The following WHRN variants were observed in gnomAD, a reference collection of about 807,000 sequenced individuals.
WHRN encodes the protein CASK-interacting protein CIP98.
Under a neutral mutation model 68.3 loss-of-function variants are expected in WHRN, and 41 were observed. The observed-to-expected ratio is 0.60, with a 90% CI of 0.47 to 0.78. The LOEUF (loss-of-function observed/expected upper bound fraction) is 0.78, where lower values mean the gene tolerates loss of function less well. Among genes scored for constraint, WHRN ranks in the 30% least tolerant of loss-of-function variants. The probability of loss-of-function intolerance (pLI) is 0.00; values close to 1 mark genes in which losing one functional copy is unlikely to be tolerated. For synonymous variants in WHRN, 560 were observed against 561.3 expected (o/e 1.00, Z 0.03); for missense variants, 1,243 against 1,244.7 (o/e 1.00, Z 0.02).
intron 1 of WHRN, among the ~76,000 whole-genome samples, chr9:114,484,186 C>G (rs541805992): frequency 7.2e-5 from 11 of 152,338 alleles, no homozygotes; most frequent in African/African-American, 2.2e-4. Flanking sequence ...GAGATTTTGA[C>G]AGGACTTGAA....
chr9:114,482,032 G>A (rs1477457679), intron 1 of WHRN, among the ~76,000 whole-genome samples: 3 of 152,224 alleles, frequency 2.0e-5, no homozygotes, highest in Non-Finnish European at 4.4e-5. Context: ...TGAGCCTGGT[G>A]AGGGATATAG....
At chr9:114,485,236 GGAGGAAAAAA>G in intron 1 of WHRN, among the ~76,000 whole-genome samples, 1 of 152,310 alleles carries the variant, frequency 6.6e-6, no homozygotes, top group Admixed American at 6.5e-5. Context: ...GACCCAGAAG[GGAGGAAAAAA>G]TTATGCATGC....
At chr9:114,490,183 C>T (rs1204810960) in intron 1 of WHRN, among the ~76,000 whole-genome samples, 1 of 152,202 alleles carries the variant, frequency 6.6e-6, no homozygotes, top group Admixed American at 6.5e-5. Context: ...GACCACAGAG[C>T]ATTGGTGTGA....
At chr9:114,450,721 G>T (rs563865058) in intron 3 of WHRN, among the ~76,000 whole-genome samples, 2 of 152,214 alleles carry the variant, frequency 1.3e-5, no homozygotes, top group Non-Finnish European at 2.9e-5. Context: ...GTGATAAAGT[G>T]ACAAGACAGG....
intron 10 of WHRN, 152 bp downstream of exon 10, chr9:114,403,744 C>A: frequency 1.0e-6 from 1 of 978,820 alleles, no homozygotes. Flanking sequence ...TCCAGTGCTC[C>A]TCCAGGACGT....
At chr9:114,425,128 A>T (rs1836703134) in intron 4 of WHRN, 104 bp from the exon 5 acceptor site, 1 of 1,208,926 alleles carries the variant, frequency 8.3e-7, no homozygotes, top group Non-Finnish European at 1.2e-6. Context: ...GCTTCAAGAG[A>T]ACCATGCATC....
At position 114,444,330 on chromosome 9, in the gene WHRN, T is replaced by C. The variant is rs528081992; in HGVS notation, c.964-17917A>G. ...CAGAATTTAAATTTACAAAAAGAAT[T>C]TGAACCCCCTCCAAAAAGTCTATGA... On this transcript the variant is annotated intron_variant, in intron 3 of 11. Coordinates refer to ENST00000362057, the MANE Select transcript of WHRN (RefSeq NM_015404.4). Among the ~76,000 whole-genome samples the C allele has an allele frequency of 5.3e-5, 8 of 152,236 alleles. No homozygotes were observed. The East Asian group carries it at 1.5e-3, about 29-fold the overall frequency.
At chr9:114,416,683 A>G (rs575959862) in intron 7 of WHRN, among the ~76,000 whole-genome samples, 15 of 152,192 alleles carry the variant, frequency 9.9e-5, no homozygotes, top group African/African-American at 3.4e-4. Flanking sequence ...TTTCTTCATA[A>G]ATTTCCCAGT....
At chr9:114,405,630 G>A (rs889157656) in intron 9 of WHRN, among the ~76,000 whole-genome samples, 3 of 152,196 alleles carry the variant, frequency 2.0e-5, no homozygotes, top group Admixed American at 2.0e-4. Context: ...ACGTCTGCCT[G>A]CTCTCCCTCA....
rs1000549088 is a variant in WHRN, at chr9:114,406,843, G to A, written c.1748C>T (p.Pro583Leu). The A allele has an allele frequency of 6.2e-7, 1 of 1,603,180 alleles. No homozygotes were observed. Among genetic ancestry groups the A allele is most frequent in the East Asian group, 2.3e-5 (1 of 44,312 alleles). ...SQGLSSFKPL[P>L]RPPPLAQGND... ...GCCTTGGGCCAGAGGTGGTGGGCGAGGCAGTGGCTTGAAGCTTGACAGCCC... is the reference window on the plus strand; with the variant it reads ...GCCTTGGGCCAGAGGTGGTGGGCGAAGCAGTGGCTTGAAGCTTGACAGCCC... The change falls in exon 9 of 12, where the codon CCT (proline) becomes CTT (leucine). Residue 583 changes from proline (P) to leucine (L), a missense_variant. Coordinates refer to ENST00000362057, the MANE Select transcript of WHRN (RefSeq NM_015404.4).
rs145567597 is a variant in WHRN at position 114,431,816 on chromosome 9, T to C, written c.964-5403A>G. 2.7e-3 allele frequency among the ~76,000 whole-genome samples: 407 copies of C among 152,240 alleles called. 3 individuals are homozygous for C. Among genetic ancestry groups the C allele is most frequent in the African/African-American group, 8.8e-3 (364 of 41,542 alleles). On this transcript the variant is annotated intron_variant, in intron 3 of 11. Transcript: ENST00000362057. ...TCGGGGCCTTCCAAGGCGTCTCTTA[T>C]AGATGCAGAATCCAAGGCTCAGAAA...
At chr9:114,417,700 C>T (rs1009630092) in intron 7 of WHRN, among the ~76,000 whole-genome samples, 1 of 152,226 alleles carries the variant, frequency 6.6e-6, no homozygotes, top group Non-Finnish European at 1.5e-5. Context: ...CAAAAGCTTA[C>T]TAATATGTGG....
rs747839369 is a variant in WHRN at position 114,464,813 on chromosome 9, CATAATGATGATG to C, written c.963+1442_963+1453del. Among the ~76,000 whole-genome samples, 7 of 120,990 alleles carry C rather than the reference CATAATGATGATG, an allele frequency of 5.8e-5. No individual in the cohort carries two copies. In the East Asian group the frequency reaches 9.8e-4, roughly 17 times the overall value. The allele number at this position is 120,990 out of a possible 152,430, so 79.4% of individuals were successfully genotyped here. On this transcript the variant is annotated intron_variant, in intron 3 of 11. Transcript: ENST00000362057. ...TATGGTAGATGTTAATGATTATGTC[CATAATGATGATG>C]ATGATGATGATGATGATGATGATGA...
chr9:114,416,739 C>T (rs1329301197), intron 7 of WHRN, among the ~76,000 whole-genome samples: 2 of 152,194 alleles, frequency 1.3e-5, no homozygotes, highest in African/African-American at 4.8e-5. Context: ...TAATACAGGG[C>T]CCTTTTCCAA....
Position 114,402,585 on chromosome 9 carries a change from C to T in WHRN, c.*169G>A. 2.4e-6 allele frequency: 2 copies of T among 847,900 alleles called. No individual in the cohort carries two copies. Among genetic ancestry groups the T allele is most frequent in the Non-Finnish European group, 3.9e-6 (2 of 519,138 alleles). 52.5% of individuals were successfully genotyped at this position (847,900 alleles called of 1,614,324 possible). ...CTGACCTTCTGTCTGCCTTGTCCTG[C>T]TCTCTTCCTCTCCCAGTTCTGGTCC... On this transcript the variant is annotated 3_prime_UTR_variant, in exon 12 of 12. Transcript: ENST00000362057.
At chr9:114,445,776 T>C (rs1235179061) in intron 3 of WHRN, among the ~76,000 whole-genome samples, 1 of 152,198 alleles carries the variant, frequency 6.6e-6, no homozygotes, top group African/African-American at 2.4e-5. Flanking sequence ...CACTGGGCTC[T>C]GAAGCCTGCT....
intron 7 of WHRN, among the ~76,000 whole-genome samples, chr9:114,409,906 CAT>C (rs982333231): frequency 9.2e-5 from 14 of 152,010 alleles, no homozygotes; most frequent in Admixed American, 3.9e-4. Context: ...GCCAGAAACA[CAT>C]GTCAGGTCTC....
intron 2 of WHRN, 134 bp downstream of exon 2, chr9:114,478,419 G>A: frequency 1.0e-6 from 1 of 980,384 alleles, no homozygotes; most frequent in Non-Finnish European, 1.6e-6. Context: ...CCACCCTTCA[G>A]TACAGACTTG....
At position 114,423,418 on chromosome 9, in the gene WHRN, G is replaced by T. The variant is rs768009417; in HGVS notation, c.1522C>A (p.Pro508Thr). The T allele has an allele frequency of 6.2e-7, 1 of 1,613,980 alleles. No homozygotes were observed. Among genetic ancestry groups the T allele is most frequent in the East Asian group, 2.2e-5 (1 of 44,862 alleles). ...REIESMKARQ[P>T]PGPGAGDTYS... ...GTGTCCCCAGCCCCGGGGCCTGGGG[G>T]CTGCCGCGCCTTCATGGACTCAATC... Residue 508 changes from proline (P) to threonine (T), a missense_variant, in exon 7 of 12, where the codon CCC becomes ACC. Coordinates refer to ENST00000362057, the MANE Select transcript of WHRN (RefSeq NM_015404.4).
Sources: gnomAD v4.1 joint callset for allele counts (sites outside exome capture counted in the v4.1 genomes callset) on GRCh38, gnomAD v4.1.1 for gene constraint, MANE v1.5 for transcripts, NCBI Gene and HGNC (gene_info 2026-07-23, HGNC 2026-07-21) for gene names.